FMN2: variants seen among roughly 807,000 people sequenced by gnomAD.
FMN2 encodes the protein formin-2.
In FMN2, 51 loss-of-function variants were observed where a neutral mutation model predicts 142.3. That is an observed-to-expected ratio of 0.36 (90% CI 0.29 to 0.45). FMN2 has a LOEUF of 0.45. Among genes scored for constraint, FMN2 ranks in the 20% least tolerant of loss-of-function variants. The probability of loss-of-function intolerance (pLI) is 1.00; values close to 1 mark genes in which losing one functional copy is unlikely to be tolerated. For missense variants in FMN2, 1,936 were observed against 2,122.8 expected (o/e 0.91, Z 1.73); for synonymous variants, 882 against 869.8 (o/e 1.01, Z -0.25).
intron 2 of FMN2, chr1:240,144,630 G>A (rs776170363): frequency 9.3e-6 from 12 of 1,284,334 alleles, no homozygotes; most frequent in East Asian, 2.3e-5. Context: ...AGGGCACAAC[G>A]CAGTAGGACT....
intron 1 of FMN2, among the ~76,000 whole-genome samples, chr1:240,096,075 TG>T (rs1661186104): frequency 3.3e-5 from 5 of 152,168 alleles, no homozygotes; most frequent in South Asian, 2.1e-4. Flanking sequence ...TTGTAACTGG[TG>T]GGAAAATGTA....
rs181191135 is a variant in FMN2, at chr1:240,309,821, A to C, written c.4215+14938A>C. On this transcript the variant is annotated intron_variant, in intron 8 of 17. Coordinates refer to ENST00000319653, the MANE Select transcript of FMN2 (RefSeq NM_020066.5). ...GGCAAACTGAGGGATGAGAGGCAGT[A>C]ACTGGCACAGATGGTAGGGAGGGTT... is the stretch of plus-strand genomic sequence containing the variant. Among the ~76,000 whole-genome samples, 427 of 152,234 alleles carry C rather than the reference A, an allele frequency of 2.8e-3. 2 individuals carry two copies. The highest frequency in any genetic ancestry group is 0.017 in the South Asian group (83 of 4,828).
At chr1:240,365,972 G>C (rs1016135805) in intron 14 of FMN2, among the ~76,000 whole-genome samples, 1 of 152,116 alleles carries the variant, frequency 6.6e-6, no homozygotes, top group African/African-American at 2.4e-5. Context: ...ATCCCATAAA[G>C]ATGTGGAAAA....
At chr1:240,406,766 A>C (rs1674216518) in intron 15 of FMN2, among the ~76,000 whole-genome samples, 1 of 152,172 alleles carries the variant, frequency 6.6e-6, no homozygotes, top group South Asian at 2.1e-4. Context: ...CATGAAGGAT[A>C]CCAGCTCCCC....
At chr1:240,199,783 T>A (rs1213297529) in intron 4 of FMN2, among the ~76,000 whole-genome samples, 1 of 152,220 alleles carries the variant, frequency 6.6e-6, no homozygotes, top group Non-Finnish European at 1.5e-5. Context: ...TATTAATTAT[T>A]GTATTGACGA....
At chr1:240,314,043 C>T (rs899314549) in intron 8 of FMN2, among the ~76,000 whole-genome samples, 3 of 151,934 alleles carry the variant, frequency 2.0e-5, no homozygotes, top group African/African-American at 7.3e-5. Flanking sequence ...TCAAATTATG[C>T]TTTTGTACAT....
chr1:240,333,813 A>G lies in FMN2; in HGVS notation c.4585-74A>G, dbSNP rs1043441999. The G allele has an allele frequency of 7.7e-6, 9 of 1,171,892 alleles. No individual in the cohort carries two copies. The Admixed American group carries it at 2.0e-4, about 26-fold the overall frequency. 72.6% of individuals were successfully genotyped at this position (1,171,892 alleles called of 1,614,324 possible). On this transcript the variant is annotated intron_variant, in intron 11 of 17. Coordinates refer to ENST00000319653, the MANE Select transcript of FMN2 (RefSeq NM_020066.5). ...TCATGTATATACATGAATTCACTAG[A>G]ATCTTTTTTGGTAACACTTTATATT...
intron 15 of FMN2, among the ~76,000 whole-genome samples, chr1:240,409,716 A>G (rs1409515816): frequency 1.3e-5 from 2 of 152,190 alleles, no homozygotes; most frequent in African/African-American, 4.8e-5. Context: ...GTATTGTAGT[A>G]TTTTAATAGA....
At chr1:240,266,753 T>C (rs1668825959) in intron 7 of FMN2, among the ~76,000 whole-genome samples, 2 of 151,722 alleles carry the variant, frequency 1.3e-5, no homozygotes. Context: ...AAAAGACACA[T>C]AGACCTATGG....
chr1:240,169,564 T>C (rs1177317869), intron 2 of FMN2, among the ~76,000 whole-genome samples: 2 of 152,160 alleles, frequency 1.3e-5, no homozygotes, highest in Non-Finnish European at 2.9e-5. Context: ...CCCCCCGGGC[T>C]CATGCATTCC....
At chr1:240,265,942 A>T (rs7535632) in intron 7 of FMN2, among the ~76,000 whole-genome samples, 12 of 138,988 alleles carry the variant, frequency 8.6e-5, no homozygotes, top group Non-Finnish European at 7.6e-5. Context: ...TCCTTTTTTC[A>T]TTGCCCTGAA....
intron 1 of FMN2, among the ~76,000 whole-genome samples, chr1:240,100,768 A>C (rs1407111709): frequency 6.6e-6 from 1 of 152,206 alleles, no homozygotes; most frequent in African/African-American, 2.4e-5. Context: ...CCAGGAACCC[A>C]CTGGAAGCTT....
rs191365171 is a variant in FMN2 at position 240,160,343 on chromosome 1, G to A, written c.1783-17578G>A. Among the ~76,000 whole-genome samples, 196 of 151,624 alleles carry A rather than the reference G, an allele frequency of 1.3e-3. 4 individuals are homozygous for A. In the South Asian group the frequency reaches 0.031, roughly 24 times the overall value. ...CAGCAATGTATATAAAGGAATGCAA[G>A]GCTGGTTTAATATTTGAAAACCAAA... On this transcript the variant is annotated intron_variant, in intron 2 of 17. Transcript: ENST00000319653.
At chr1:240,428,544 A>G (rs1675036238) in intron 15 of FMN2, among the ~76,000 whole-genome samples, 1 of 152,190 alleles carries the variant, frequency 6.6e-6, no homozygotes, top group Admixed American at 6.6e-5. Context: ...TCCATCTTTA[A>G]GTTCACCTTG....
intron 7 of FMN2, among the ~76,000 whole-genome samples, chr1:240,267,253 A>G (rs1445164173): frequency 6.6e-6 from 1 of 152,098 alleles, no homozygotes; most frequent in Non-Finnish European, 1.5e-5. Flanking sequence ...AAACAATTCA[A>G]CAAGCAAAAA....
intron 6 of FMN2, among the ~76,000 whole-genome samples, chr1:240,213,914 T>C (rs949053349): frequency 5.9e-5 from 9 of 152,218 alleles, no homozygotes; most frequent in African/African-American, 2.2e-4. Context: ...CTGGGCACAT[T>C]GCCGTTTGGC....
intron 2 of FMN2, chr1:240,170,310 C>T: frequency 9.3e-7 from 1 of 1,080,628 alleles, no homozygotes; most frequent in Non-Finnish European, 1.4e-6. Context: ...TTTGCCATAC[C>T]AATGCCTATA....
At chr1:240,229,428 C>G (rs1279408059) in intron 6 of FMN2, among the ~76,000 whole-genome samples, 12 of 152,128 alleles carry the variant, frequency 7.9e-5, no homozygotes, top group Non-Finnish European at 1.8e-4. Context: ...ATACCTTACC[C>G]TTTATGCTCA....
At chr1:240,367,212 A>T (rs1672701580) in intron 14 of FMN2, among the ~76,000 whole-genome samples, 1 of 152,012 alleles carries the variant, frequency 6.6e-6, no homozygotes, top group Admixed American at 6.6e-5. Flanking sequence ...ACACATTTAT[A>T]GTTGTTTCCT....
Sources: gnomAD v4.1 joint callset for allele counts (sites outside exome capture counted in the v4.1 genomes callset) on GRCh38, gnomAD v4.1.1 for gene constraint, MANE v1.5 for transcripts, NCBI Gene and HGNC (gene_info 2026-07-23, HGNC 2026-07-21) for gene names.